SNTB1: variants seen among roughly 807,000 people sequenced by gnomAD.
The protein encoded by SNTB1 is syntrophin beta 1.
SNTB1 carries 36 observed loss-of-function variants against 48.9 expected under a neutral mutation model. The ratio of observed to expected loss-of-function variants is 0.74; its 90% CI spans 0.56 to 0.97. The LOEUF is 0.97. SNTB1 is among the 50% of genes least tolerant of loss of function. SNTB1 has a pLI of 0.00. For synonymous variants in SNTB1, 299 were observed against 294.6 expected (o/e 1.01, Z -0.15); for missense variants, 786 against 703.4 (o/e 1.12, Z -1.33).
intron 4 of SNTB1, among the ~76,000 whole-genome samples, chr8:120,560,276 A>G (rs1300630798): frequency 1.3e-5 from 2 of 152,178 alleles, no homozygotes. Context: ...TGAAGTCAGG[A>G]GTTCGAGACC....
intron 3 of SNTB1, among the ~76,000 whole-genome samples, chr8:120,575,458 C>T (rs1458669273): frequency 6.6e-6 from 1 of 152,222 alleles, no homozygotes; most frequent in Non-Finnish European, 1.5e-5. Flanking sequence ...AGCAGCCCAG[C>T]TGCCACACAT....
rs574430709 is a variant in SNTB1 at position 120,563,314 on chromosome 8, A to G, written c.1136+11772T>C. 7.8e-4 allele frequency among the ~76,000 whole-genome samples: 119 copies of G among 151,940 alleles called. 1 individual carries two copies. Among genetic ancestry groups the G allele is most frequent in the African/African-American group, 2.6e-3 (109 of 41,386 alleles). On this transcript the variant is annotated intron_variant, in intron 4 of 6. Transcript: ENST00000517992. The stretch of plus-strand genomic sequence containing the variant: ...CCTTTTTTTTTTTTAATGTTCAGCA[A>G]TATCAAATAAACTTTGGCTAAGCAA...
chr8:120,760,506 C>A (rs2130063114), intron 1 of SNTB1, among the ~76,000 whole-genome samples: 1 of 152,228 alleles, frequency 6.6e-6, no homozygotes, highest in Admixed American at 6.5e-5. Context: ...CCTGGCCTAG[C>A]TTCAGAAATT....
chr8:120,632,384 T>C, intron 3 of SNTB1, 60 bp downstream of exon 3: 1 of 1,465,546 alleles, frequency 6.8e-7, no homozygotes, highest in Non-Finnish European at 9.4e-7. Context: ...TTTTAGTGGT[T>C]ATGAGCGCTG....
At chr8:120,579,591 A>G (rs1433075692) in intron 3 of SNTB1, among the ~76,000 whole-genome samples, 1 of 152,114 alleles carries the variant, frequency 6.6e-6, no homozygotes, top group African/African-American at 2.4e-5. Flanking sequence ...GAGGTGCAAC[A>G]ATTGCTTGAG....
intron 1 of SNTB1, among the ~76,000 whole-genome samples, chr8:120,725,601 T>C (rs1272182190): frequency 6.6e-6 from 1 of 152,206 alleles, no homozygotes; most frequent in African/African-American, 2.4e-5. Context: ...TTGAAAGTAA[T>C]GGCAAAAACC....
At chr8:120,710,562 G>A (rs1680606724) in intron 1 of SNTB1, among the ~76,000 whole-genome samples, 1 of 152,144 alleles carries the variant, frequency 6.6e-6, no homozygotes, top group South Asian at 2.1e-4. Context: ...GGAACCTTTT[G>A]GGAAGTGATT....
chr8:120,574,627 C>T (rs1049370465), intron 4 of SNTB1, among the ~76,000 whole-genome samples: 4 of 152,164 alleles, frequency 2.6e-5, no homozygotes, highest in African/African-American at 4.8e-5. Context: ...CCACAGGAAG[C>T]GTCATGGAAC....
intron 4 of SNTB1, among the ~76,000 whole-genome samples, chr8:120,560,715 C>T (rs528042773): frequency 3.9e-5 from 6 of 152,290 alleles, no homozygotes; most frequent in African/African-American, 1.2e-4. Context: ...CCATACCTTT[C>T]TTTGTGCCCT....
chr8:120,590,973 C>T (rs1285361992), intron 3 of SNTB1, among the ~76,000 whole-genome samples: 2 of 152,200 alleles, frequency 1.3e-5, no homozygotes, highest in African/African-American at 4.8e-5. Context: ...ACGTGAAACA[C>T]TGTGCCCTGC....
At chr8:120,588,897 G>A (rs753719245) in intron 3 of SNTB1, among the ~76,000 whole-genome samples, 1 of 152,132 alleles carries the variant, frequency 6.6e-6, no homozygotes, top group Non-Finnish European at 1.5e-5. Context: ...AGATCTATAG[G>A]GAGGGGCCTG....
intron 3 of SNTB1, among the ~76,000 whole-genome samples, chr8:120,589,259 C>T (rs148097561): frequency 6.6e-6 from 1 of 152,308 alleles, no homozygotes; most frequent in Non-Finnish European, 1.5e-5. Context: ...CATAAATGCT[C>T]GCTGAGATCG....
intron 1 of SNTB1, among the ~76,000 whole-genome samples, chr8:120,698,413 G>GT (rs544902695): frequency 6.6e-6 from 1 of 152,110 alleles, no homozygotes; most frequent in Non-Finnish European, 1.5e-5. Context: ...GGTTCTGGTA[G>GT]TTTTTTTCAT....
At chr8:120,645,293 T>C (rs1380512873) in intron 2 of SNTB1, among the ~76,000 whole-genome samples, 1 of 151,548 alleles carries the variant, frequency 6.6e-6, no homozygotes, top group Non-Finnish European at 1.5e-5. Context: ...TTTTATGGTT[T>C]TAGGTCTAAC....
intron 5 of SNTB1, among the ~76,000 whole-genome samples, chr8:120,543,631 A>G (rs1815328805): frequency 6.6e-6 from 1 of 152,162 alleles, no homozygotes; most frequent in Non-Finnish European, 1.5e-5. Flanking sequence ...CTGGGCACAG[A>G]GTCGCTCAGC....
intron 3 of SNTB1, among the ~76,000 whole-genome samples, chr8:120,602,812 T>C (rs192397337): frequency 2.0e-4 from 30 of 150,876 alleles, no homozygotes; most frequent in Admixed American, 3.3e-4. Flanking sequence ...AATTATATAA[T>C]AAAAAGCATT....
chr8:120,563,688 A>T (rs1203143000), intron 4 of SNTB1, among the ~76,000 whole-genome samples: 1 of 152,226 alleles, frequency 6.6e-6, no homozygotes, highest in Non-Finnish European at 1.5e-5. Context: ...AACTTGATTT[A>T]GAAGAAAACT....
intron 2 of SNTB1, among the ~76,000 whole-genome samples, chr8:120,669,902 C>G (rs1162452291): frequency 6.6e-6 from 1 of 152,136 alleles, no homozygotes; most frequent in Non-Finnish European, 1.5e-5. Flanking sequence ...CTTTGAGTAG[C>G]AAGAAGCTAG....
intron 1 of SNTB1, among the ~76,000 whole-genome samples, chr8:120,784,913 GAC>G (rs1395555786): frequency 6.6e-6 from 1 of 152,156 alleles, no homozygotes; most frequent in Non-Finnish European, 1.5e-5. Context: ...CTGCCTCTAT[GAC>G]ACAACCCCAC....
Sources: allele counts gnomAD v4.1 joint callset (sites outside exome capture counted in the v4.1 genomes callset), GRCh38; gene constraint gnomAD v4.1.1; transcripts MANE v1.5; gene names NCBI Gene and HGNC (gene_info 2026-07-23, HGNC 2026-07-21).